Variants in STYXL1 observed in about 807,000 individuals in gnomAD.
The protein encoded by STYXL1 is serine/threonine/tyrosine-interacting-like protein 1.
Under a neutral mutation model 36.4 loss-of-function variants are expected in STYXL1, and 32 were observed. The ratio of observed to expected loss-of-function variants is 0.88; its 90% CI spans 0.66 to 1.18. STYXL1 has a LOEUF of 1.18. STYXL1 is among the 50% of genes most tolerant of loss of function. The pLI is 0.00. For missense variants in STYXL1, 354 were observed against 394.1 expected (o/e 0.90, Z 0.86); for synonymous variants, 133 against 144.1 (o/e 0.92, Z 0.55).
At chr7:76,006,270 G>A (rs1197125456) in intron 5 of STYXL1, among the ~76,000 whole-genome samples, 6 of 151,950 alleles carry the variant, frequency 3.9e-5, no homozygotes, top group Non-Finnish European at 7.4e-5. Context: ...TAGAGATGGG[G>A]TCTCACTATG....
intron 5 of STYXL1, among the ~76,000 whole-genome samples, 155 bp from the exon 6 acceptor site, chr7:76,005,559 G>A (rs868926309): frequency 1.3e-5 from 2 of 152,146 alleles, no homozygotes; most frequent in East Asian, 1.9e-4. Flanking sequence ...ATTGGCACAC[G>A]GTAACTTGCA....
At position 76,035,747 on chromosome 7, in the gene STYXL1, T is replaced by C. The variant is rs774682796; in HGVS notation, c.-4-5220A>G. 3.3e-5 allele frequency among the ~76,000 whole-genome samples: 5 copies of C among 149,852 alleles called. 1 individual carries two copies. Among genetic ancestry groups the C allele is most frequent in the South Asian group, 4.4e-4 (2 of 4,572 alleles). On this transcript the variant is annotated intron_variant, in intron 1 of 8. Coordinates refer to ENST00000359697, the MANE Select transcript of STYXL1 (RefSeq NM_001317785.2). ...GCTGGCTCCTAACCCATCTGGTCTA[T>C]GGCTCATACCCATCCTCAGCTACTA...
Position 76,047,950 on chromosome 7 carries a change from A to C in STYXL1, c.-293T>G, listed in dbSNP as rs1554584292. On this transcript the variant is annotated 5_prime_UTR_variant, in exon 1 of 9. Transcript: ENST00000359697. ...CGGCTACGCTAGAACCCAGCCAAAC[A>C]CCGGGGTTGCCAGGATGGTCCCACA... 26 of 1,453,594 alleles carry C rather than the reference A, an allele frequency of 1.8e-5. No individual in the cohort carries two copies. The highest frequency in any genetic ancestry group is 2.2e-5 in the Non-Finnish European group (24 of 1,103,750). 90.0% of individuals were successfully genotyped at this position (1,453,594 alleles called of 1,614,324 possible).
chr7:76,039,224 C>T (rs1423813306), intron 1 of STYXL1, among the ~76,000 whole-genome samples: 2 of 149,326 alleles, frequency 1.3e-5, no homozygotes, highest in African/African-American at 5.2e-5. Flanking sequence ...GCGTGAGTCA[C>T]CGCACCCGGC....
chr7:75,998,301 A>AT (rs58275187), intron 8 of STYXL1, among the ~76,000 whole-genome samples: 143,104 of 146,840 alleles, frequency 0.97, 69,752 homozygotes, highest in South Asian at 0.99. Context: ...TGGTCAAGCA[A>AT]TTTTTTTTTT....
At chr7:76,017,866 C>CAAAAAAAAAAAAAAAAAAAA (rs71082374) in intron 4 of STYXL1, among the ~76,000 whole-genome samples, 798 of 10,226 alleles carry the variant, frequency 0.078, 303 homozygotes, top group Admixed American at 0.12. Flanking sequence ...AACTCCATCT[C>CAAAAAAAAAAAAAAAAAAAA]AAAAAAAAAA....
chr7:76,019,187 C>T (rs1015227909), intron 4 of STYXL1, among the ~76,000 whole-genome samples: 2 of 152,030 alleles, frequency 1.3e-5, no homozygotes, highest in East Asian at 3.8e-4. Context: ...ATCCTGAGGC[C>T]AGGTTCTGGC....
intron 3 of STYXL1, among the ~76,000 whole-genome samples, chr7:76,027,454 A>G (rs1794844759): frequency 6.6e-6 from 1 of 150,964 alleles, no homozygotes; most frequent in South Asian, 2.1e-4. Flanking sequence ...GCAACATAAT[A>G]AGATCCTGTC....
chr7:76,005,645 C>A (rs559846456), intron 5 of STYXL1, among the ~76,000 whole-genome samples: 6 of 152,208 alleles, frequency 3.9e-5, no homozygotes, highest in Non-Finnish European at 7.4e-5. Flanking sequence ...GCACTGGTGT[C>A]CATTCCCTCC....
intron 1 of STYXL1, chr7:76,043,907 A>G (rs994187259): frequency 1.3e-5 from 2 of 152,268 alleles, no homozygotes; most frequent in African/African-American, 2.4e-5. Flanking sequence ...CATGAACTGG[A>G]CAGTAAGTCT....
At chr7:76,038,716 G>A (rs917661910) in intron 1 of STYXL1, among the ~76,000 whole-genome samples, 2 of 149,914 alleles carry the variant, frequency 1.3e-5, no homozygotes, top group Non-Finnish European at 2.9e-5. Flanking sequence ...GTGAGCCACC[G>A]TTGAATGACA....
At chr7:76,016,994 T>C (rs1188969946) in intron 4 of STYXL1, among the ~76,000 whole-genome samples, 4 of 152,122 alleles carry the variant, frequency 2.6e-5, no homozygotes, top group African/African-American at 9.7e-5. Flanking sequence ...CAAGGGCCCA[T>C]CAACAACGGA....
chr7:76,022,946 A>AAAAAC (rs1398096061), intron 3 of STYXL1, among the ~76,000 whole-genome samples: 40 of 152,236 alleles, frequency 2.6e-4, no homozygotes, highest in African/African-American at 9.1e-4. Flanking sequence ...AAAATAAAAC[A>AAAAAC]AAAACAAAAC....
intron 1 of STYXL1, among the ~76,000 whole-genome samples, chr7:76,041,820 C>T (rs570441695): frequency 1.4e-4 from 21 of 152,248 alleles, no homozygotes; most frequent in Middle Eastern, 3.4e-3. Flanking sequence ...AGCAACTTTA[C>T]GATCATAGAA....
chr7:76,000,760 C>T (rs1192163151), intron 8 of STYXL1, 130 bp downstream of exon 8: 2 of 722,874 alleles, frequency 2.8e-6, no homozygotes, highest in Admixed American at 2.1e-5. Context: ...CTGGGGAGCA[C>T]CCTAGACTTG....
At chr7:75,999,536 T>TGA (rs1554565675) in intron 8 of STYXL1, among the ~76,000 whole-genome samples, 1,131 of 88,084 alleles carry the variant, frequency 0.013, 24 homozygotes, top group African/African-American at 0.043. Flanking sequence ...TGTGTGTGTG[T>TGA]GTGTGTGTGT....
intron 7 of STYXL1, among the ~76,000 whole-genome samples, chr7:76,002,435 C>T (rs1554568005): frequency 6.6e-6 from 1 of 152,174 alleles, no homozygotes; most frequent in African/African-American, 2.4e-5. Context: ...ATGACGATGG[C>T]CACCTTCCTC....
chr7:76,013,406 T>C (rs1451122636), intron 5 of STYXL1, among the ~76,000 whole-genome samples: 3 of 150,880 alleles, frequency 2.0e-5, no homozygotes, highest in Non-Finnish European at 4.4e-5. Context: ...AGTCCAGATC[T>C]AGTTTTTTTT....
In STYXL1 at chr7:75,999,511, A is replaced by ATGTGTGTG. The variant is rs71301271; in HGVS notation, c.810+1371_810+1378dup. On this transcript the variant is annotated intron_variant, in intron 8 of 8. Transcript: ENST00000359697. ...TTTTGTTGTGTGTGTGTGTGTGTGT[A>ATGTGTGTG]TGTGTGTGTGTGTGTGTGTGTGTGT... 8.0e-3 allele frequency among the ~76,000 whole-genome samples: 767 copies of ATGTGTGTG among 95,888 alleles called. 12 individuals are homozygous for ATGTGTGTG. Among genetic ancestry groups the ATGTGTGTG allele is most frequent in the African/African-American group, 0.032 (652 of 20,622 alleles). The allele number at this position is 95,888 out of a possible 152,430, so 62.9% of individuals were successfully genotyped here. A position where few individuals can be genotyped will look rare whatever the true frequency, so the allele number is the denominator to read the frequency against.
Sources: gnomAD v4.1 joint callset for allele counts (sites outside exome capture counted in the v4.1 genomes callset) on GRCh38, gnomAD v4.1.1 for gene constraint, MANE v1.5 for transcripts, NCBI Gene and HGNC (gene_info 2026-07-23, HGNC 2026-07-21) for gene names.